The following KIAA1217 variants were observed in gnomAD, a reference collection of about 807,000 sequenced individuals.
KIAA1217 encodes the protein KIAA1217.
A neutral mutation model predicts 163.9 loss-of-function variants in KIAA1217; 88 were observed. The observed-to-expected ratio is 0.54, with a 90% CI of 0.45 to 0.64. The LOEUF is 0.64. Among genes scored for constraint, KIAA1217 ranks in the 30% least tolerant of loss-of-function variants. KIAA1217 has a pLI of 0.00. For synonymous variants in KIAA1217, 903 were observed against 923.1 expected, an observed-to-expected ratio of 0.98 and a Z score of 0.39; for missense variants, 2,372 against 2,475.0, an observed-to-expected ratio of 0.96 and a Z score of 0.88.
chr10:23,718,793 C>T (rs1413127113), intron 1 of KIAA1217, among the ~76,000 whole-genome samples: 2 of 139,580 alleles, frequency 1.4e-5, no homozygotes, highest in Non-Finnish European at 3.0e-5. Flanking sequence ...GGAACATCTA[C>T]AGAAGTGTAT....
intron 1 of KIAA1217, among the ~76,000 whole-genome samples, chr10:23,860,562 G>A (rs544110711): frequency 6.6e-6 from 1 of 152,104 alleles, no homozygotes; most frequent in Non-Finnish European, 1.5e-5. Context: ...GTTAGGAATT[G>A]TTATTCTAAC....
At chr10:24,206,906 C>CCT (rs2067583505), upstream of KIAA1217, among the ~76,000 whole-genome samples, 1 of 152,090 alleles carries the variant, frequency 6.6e-6, no homozygotes, top group African/African-American at 2.4e-5. Context: ...GTAGTTCAGA[C>CCT]CTGGTGGGAG....
chr10:23,869,191 T>A (rs1840345319), intron 1 of KIAA1217, among the ~76,000 whole-genome samples: 1 of 144,378 alleles, frequency 6.9e-6, no homozygotes, highest in Non-Finnish European at 1.5e-5. Flanking sequence ...ACAGCGTTGC[T>A]ATCTACCTGT....
At chr10:23,779,524 C>A (rs138147866) in intron 1 of KIAA1217, among the ~76,000 whole-genome samples, 205 of 152,310 alleles carry the variant, frequency 1.3e-3, no homozygotes, top group African/African-American at 4.8e-3. Context: ...AGATACTTAA[C>A]TGGAAGTTAA....
intron 2 of KIAA1217, among the ~76,000 whole-genome samples, chr10:24,077,952 C>CT (rs1297517453): frequency 3.9e-5 from 6 of 151,912 alleles, no homozygotes; most frequent in South Asian, 4.2e-4. Flanking sequence ...TGGTGTTGAG[C>CT]TTTTTTTTCA....
chr10:24,493,712 C>T (rs2066427470), intron 6 of KIAA1217, among the ~76,000 whole-genome samples: 1 of 152,190 alleles, frequency 6.6e-6, no homozygotes, highest in African/African-American at 2.4e-5. Context: ...ATAAAAACCT[C>T]CAGGCTAAAG....
At chr10:24,390,559 G>GT (rs2054781067) in intron 3 of KIAA1217, among the ~76,000 whole-genome samples, 1 of 149,832 alleles carries the variant, frequency 6.7e-6, no homozygotes, top group South Asian at 2.1e-4. Flanking sequence ...AAAAGAAAGG[G>GT]AGAAAGAGAG....
At chr10:24,067,899 G>C (rs2061026973) in intron 2 of KIAA1217, among the ~76,000 whole-genome samples, 1 of 149,292 alleles carries the variant, frequency 6.7e-6, no homozygotes, top group Admixed American at 6.6e-5. Flanking sequence ...AGACTGCTGT[G>C]CTAGCAATGA....
chr10:23,928,395 A>T (rs1002488544), intron 1 of KIAA1217, among the ~76,000 whole-genome samples: 3 of 152,284 alleles, frequency 2.0e-5, no homozygotes, highest in Admixed American at 6.5e-5. Context: ...GGCATGATAG[A>T]TCTTTCTCTT....
chr10:24,055,958 A>T (rs1032348447), intron 2 of KIAA1217, among the ~76,000 whole-genome samples: 43 of 129,118 alleles, frequency 3.3e-4, no homozygotes, highest in African/African-American at 4.9e-4. Context: ...CACTAAATTT[A>T]AAAAAAAAAA....
intron 1 of KIAA1217, among the ~76,000 whole-genome samples, chr10:23,710,090 G>T (rs1471091802): frequency 6.6e-6 from 1 of 152,166 alleles, no homozygotes; most frequent in Non-Finnish European, 1.5e-5. Context: ...AATGACTAAA[G>T]AACATGAATG....
intron 1 of KIAA1217, among the ~76,000 whole-genome samples, chr10:23,717,034 A>C (rs1358959790): frequency 1.3e-5 from 2 of 152,124 alleles, no homozygotes; most frequent in Non-Finnish European, 2.9e-5. Context: ...TCCATGTTAA[A>C]CAACTAACCA....
chr10:24,011,429 G>A (rs1847232194), intron 2 of KIAA1217, among the ~76,000 whole-genome samples: 1 of 152,162 alleles, frequency 6.6e-6, no homozygotes. Flanking sequence ...TGAGGTTGCA[G>A]TGAGCTGTGA....
chr10:24,502,577 C>G (rs1045742895), intron 9 of KIAA1217, among the ~76,000 whole-genome samples: 2 of 152,290 alleles, frequency 1.3e-5, no homozygotes, highest in African/African-American at 2.4e-5. Flanking sequence ...CACATATTTG[C>G]TCTGTGCACC....
intron 1 of KIAA1217, among the ~76,000 whole-genome samples, chr10:23,877,857 G>A (rs1388013819): frequency 2.0e-5 from 3 of 151,894 alleles, no homozygotes; most frequent in African/African-American, 4.8e-5. Flanking sequence ...GCCAACGTTC[G>A]TGACAGAGGG....
intron 2 of KIAA1217, among the ~76,000 whole-genome samples, chr10:24,007,559 T>G (rs1371930258): frequency 6.6e-6 from 1 of 152,214 alleles, no homozygotes; most frequent in Admixed American, 6.5e-5. Context: ...GATATGTAGC[T>G]GCTTTATTTT....
intron 17 of KIAA1217, among the ~76,000 whole-genome samples, chr10:24,538,471 A>G (rs1036979963): frequency 8.7e-5 from 13 of 148,898 alleles, no homozygotes; most frequent in Admixed American, 8.7e-4. Flanking sequence ...TGAGGCCAGG[A>G]GTTCAAGACC....
chr10:23,887,104 C>G (rs936396767), intron 1 of KIAA1217, among the ~76,000 whole-genome samples: 2 of 151,878 alleles, frequency 1.3e-5, no homozygotes, highest in African/African-American at 4.8e-5. Context: ...TTACCATCTT[C>G]TGGCTTTCTT....
rs1589405308 is a variant in KIAA1217, at chr10:24,075,529, G to A, written c.-171+68155G>A. Among the ~76,000 whole-genome samples the A allele has an allele frequency of 2.6e-5, 4 of 151,502 alleles. No homozygotes were observed. The South Asian group carries it at 8.4e-4, about 32-fold the overall frequency. On this transcript the variant is annotated intron_variant, in intron 2 of 18. Transcript: ENST00000376462. ...TAGGTCCTCAATCTGATCATTTTAT[G>A]TTTATATCGTCCCTTCCATGGCTTC...
Sources: allele counts gnomAD v4.1 joint callset (sites outside exome capture counted in the v4.1 genomes callset), GRCh38; gene constraint gnomAD v4.1.1; transcripts MANE v1.5; gene names NCBI Gene and HGNC (gene_info 2026-07-23, HGNC 2026-07-21).